Variants in RBMS3 observed in about 807,000 individuals in gnomAD.
The protein encoded by RBMS3 is RNA binding motif single stranded interacting protein 3, also known as RNA-binding motif, single-stranded-interacting protein 3.
Under a neutral mutation model 66.8 loss-of-function variants are expected in RBMS3, and 27 were observed. The ratio of observed to expected loss-of-function variants is 0.40; its 90% CI spans 0.30 to 0.56. RBMS3 has a LOEUF of 0.56. Among genes scored for constraint, RBMS3 ranks in the 20% least tolerant of loss-of-function variants. The pLI is 0.40. For synonymous variants in RBMS3, 188 were observed against 183.0 expected (o/e 1.03, Z -0.22); for missense variants, 513 against 549.5 (o/e 0.93, Z 0.66).
chr3:29,816,301 GACACACACAGAC>G (rs1245856583), intron 6 of RBMS3, among the ~76,000 whole-genome samples: 3,875 of 135,762 alleles, frequency 0.029, 68 homozygotes, highest in Admixed American at 0.05. Context: ...GACACACACA[GACACACACAGAC>G]ACACACACAC....
At chr3:29,831,441 A>C (rs2058367564) in intron 6 of RBMS3, among the ~76,000 whole-genome samples, 1 of 152,154 alleles carries the variant, frequency 6.6e-6, no homozygotes, top group Admixed American at 6.5e-5. Flanking sequence ...TTGAGCTCTA[A>C]AAATTCTGAA....
In RBMS3 at chr3:29,714,747, T is replaced by TACAC. The variant is rs34878958; in HGVS notation, c.400-24945_400-24942dup. 1.1e-3 allele frequency among the ~76,000 whole-genome samples: 158 copies of TACAC among 149,334 alleles called. 1 individual carries two copies. Among genetic ancestry groups the TACAC allele is most frequent in the South Asian group, 2.6e-3 (12 of 4,686 alleles). ...ATCCACAGATGCATGTGCACACATG[T>TACAC]ACACACACACACACACACACACACA... On this transcript the variant is annotated intron_variant, in intron 4 of 14. Coordinates refer to ENST00000383767, the MANE Select transcript of RBMS3 (RefSeq NM_001003793.3).
intron 12 of RBMS3, among the ~76,000 whole-genome samples, chr3:29,971,529 T>G (rs554064241): frequency 1.1e-4 from 17 of 152,270 alleles, no homozygotes; most frequent in African/African-American, 4.1e-4. Flanking sequence ...AATTATTCAA[T>G]TTAAAAAAAG....
chr3:29,687,466 T>C (rs1362371396), intron 4 of RBMS3, among the ~76,000 whole-genome samples: 1 of 152,252 alleles, frequency 6.6e-6, no homozygotes, highest in Non-Finnish European at 1.5e-5. Context: ...TTCTTTTTCC[T>C]TCAACATGAA....
chr3:29,517,857 G>C (rs1057490442), intron 3 of RBMS3, among the ~76,000 whole-genome samples: 2 of 152,010 alleles, frequency 1.3e-5, no homozygotes, highest in African/African-American at 4.8e-5. Context: ...CAAGGAAATG[G>C]GTACATACTG....
rs71628521 is a variant in RBMS3 at position 29,384,435 on chromosome 3, T to TAAGAAGAAGAAGAAGAAGAAG, written c.76-50296_76-50276dup. ...TATACACCAATAATAATAATAATAATAAGAAGAAGAAGAAGAAGAAGAAGA... is the reference window on the plus strand; with the variant it reads ...TATACACCAATAATAATAATAATAATAAGAAGAAGAAGAAGAAGAAGAAGAAGAAGAAGAAGAAGAAGAAGA... On this transcript the variant is annotated intron_variant, in intron 1 of 14. Transcript: ENST00000383767. Among the ~76,000 whole-genome samples the TAAGAAGAAGAAGAAGAAGAAG allele has an allele frequency of 2.2e-3, 313 of 141,096 alleles. 3 individuals are homozygous for TAAGAAGAAGAAGAAGAAGAAG. Among genetic ancestry groups the TAAGAAGAAGAAGAAGAAGAAG allele is most frequent in the East Asian group, 9.7e-3 (47 of 4,834 alleles). 92.6% of individuals were successfully genotyped at this position (141,096 alleles called of 152,430 possible). A position where few individuals can be genotyped will look rare whatever the true frequency, so the allele number is the denominator to read the frequency against.
At chr3:29,877,544 T>A (rs2059636927) in intron 7 of RBMS3, among the ~76,000 whole-genome samples, 1 of 152,214 alleles carries the variant, frequency 6.6e-6, no homozygotes, top group African/African-American at 2.4e-5. Context: ...TTTTACTGTC[T>A]TATCTCAGAC....
At chr3:29,799,540 A>G (rs569564574) in intron 6 of RBMS3, among the ~76,000 whole-genome samples, 1 of 152,210 alleles carries the variant, frequency 6.6e-6, no homozygotes, top group Admixed American at 6.5e-5. Context: ...AAACTTCCTT[A>G]TTCATTTTAA....
At chr3:29,356,167 G>A (rs373209867) in intron 1 of RBMS3, among the ~76,000 whole-genome samples, 1 of 152,126 alleles carries the variant, frequency 6.6e-6, no homozygotes, top group African/African-American at 2.4e-5. Flanking sequence ...GAATTCACAG[G>A]TAAGGTTTAC....
At chr3:29,575,447 G>C (rs1246245427) in intron 3 of RBMS3, among the ~76,000 whole-genome samples, 1 of 151,576 alleles carries the variant, frequency 6.6e-6, no homozygotes, top group African/African-American at 2.4e-5. Context: ...CTTGACTTTT[G>C]GAGGTTTGAT....
intron 12 of RBMS3, among the ~76,000 whole-genome samples, chr3:29,945,773 T>G (rs968389663): frequency 2.0e-5 from 3 of 151,836 alleles, no homozygotes; most frequent in South Asian, 4.1e-4. Flanking sequence ...CGTAAGTCAA[T>G]TGAGGCAGAA....
chr3:29,895,572 T>C (rs2060107903), intron 8 of RBMS3, among the ~76,000 whole-genome samples: 1 of 151,514 alleles, frequency 6.6e-6, no homozygotes, highest in African/African-American at 2.4e-5. Context: ...GTTTCAGTAG[T>C]TATTTTCTTT....
chr3:29,757,261 C>A (rs940931853), intron 5 of RBMS3, among the ~76,000 whole-genome samples: 1 of 152,148 alleles, frequency 6.6e-6, no homozygotes, highest in African/African-American at 2.4e-5. Context: ...GTGTCAGCAA[C>A]CTGAGAAAAA....
At chr3:29,377,167 G>T (rs2038521367) in intron 1 of RBMS3, among the ~76,000 whole-genome samples, 2 of 152,118 alleles carry the variant, frequency 1.3e-5, no homozygotes, top group African/African-American at 4.8e-5. Context: ...CTCTTTATGG[G>T]TCTTTTGTTG....
chr3:29,362,538 C>T lies in RBMS3; in HGVS notation c.76-72205C>T, dbSNP rs538379190. Among the ~76,000 whole-genome samples the T allele has an allele frequency of 5.3e-5, 8 of 152,250 alleles. 1 individual carries two copies. In the South Asian group the frequency reaches 1.7e-3, roughly 32 times the overall value. On this transcript the variant is annotated intron_variant, in intron 1 of 14. Transcript: ENST00000383767. Reference sequence around the variant, plus strand: ...GCAGTCTGCCCATTGTCAGATCTCACACTCCGTGCTGGGAGAACTACTACT... The same window carrying T: ...GCAGTCTGCCCATTGTCAGATCTCATACTCCGTGCTGGGAGAACTACTACT...
intron 4 of RBMS3, among the ~76,000 whole-genome samples, chr3:29,738,445 A>G (rs922157351): frequency 2.0e-5 from 3 of 152,340 alleles, no homozygotes; most frequent in Non-Finnish European, 4.4e-5. Context: ...CATAAATACA[A>G]CTAAGTTCTA....
At chr3:29,966,173 G>A (rs1696835696) in intron 12 of RBMS3, among the ~76,000 whole-genome samples, 1 of 151,922 alleles carries the variant, frequency 6.6e-6, no homozygotes, top group African/African-American at 2.4e-5. Flanking sequence ...CTCCAGATTT[G>A]TTATTTTTGC....
rs117588608 is a variant in RBMS3 at position 29,571,454 on chromosome 3, G to A, written c.308-15660G>A. Among the ~76,000 whole-genome samples, 1,031 of 152,202 alleles carry A rather than the reference G, an allele frequency of 6.8e-3. 29 individuals carry two copies. Among genetic ancestry groups the A allele is most frequent in the Admixed American group, 0.054 (825 of 15,282 alleles). On this transcript the variant is annotated intron_variant, in intron 3 of 14. Transcript: ENST00000383767. ...CCATTTTGATATGTTTTTTGTATATGGTGAGAGACAGGGGTCAAGTCTCAT... is the reference window on the plus strand; with the variant it reads ...CCATTTTGATATGTTTTTTGTATATAGTGAGAGACAGGGGTCAAGTCTCAT...
chr3:29,475,483 C>G (rs181998036), intron 2 of RBMS3, among the ~76,000 whole-genome samples: 1 of 152,104 alleles, frequency 6.6e-6, no homozygotes, highest in African/African-American at 2.4e-5. Flanking sequence ...CCCTTGAGCT[C>G]AGGCAATCCG....
Sources: allele counts gnomAD v4.1 joint callset (sites outside exome capture counted in the v4.1 genomes callset), GRCh38; gene constraint gnomAD v4.1.1; transcripts MANE v1.5; gene names NCBI Gene and HGNC (gene_info 2026-07-23, HGNC 2026-07-21).